Variants in NHSL2 observed in about 807,000 individuals in gnomAD.
The protein encoded by NHSL2 is NHS like 2.
Under a neutral mutation model 53.4 loss-of-function variants are expected in NHSL2, and 27 were observed. That is an observed-to-expected ratio of 0.51 (90% CI 0.37 to 0.70). NHSL2 has a LOEUF of 0.70. Among genes scored for constraint, NHSL2 ranks in the 30% least tolerant of loss-of-function variants. NHSL2 has a pLI of 0.00. For synonymous variants in NHSL2, 408 were observed against 404.1 expected (o/e 1.01, Z -0.12); for missense variants, 892 against 980.1 (o/e 0.91, Z 1.20).
At chrX:72,001,095 C>A (rs1364740822) in intron 1 of NHSL2, among the ~76,000 whole-genome samples, 1 of 112,261 alleles carries the variant, frequency 8.9e-6, no homozygotes, top group Non-Finnish European at 1.9e-5. Flanking sequence ...TAAGATGCCC[C>A]TTTCAGTCAT....
intron 1 of NHSL2, among the ~76,000 whole-genome samples, chrX:72,004,472 CCGGAG>C (rs2042084716): frequency 9.0e-6 from 1 of 111,588 alleles, no homozygotes; most frequent in South Asian, 3.8e-4. Flanking sequence ...CTGCTGGTTT[CCGGAG>C]CGGAGAGGGA....
At chrX:71,981,159 A>G (rs2041976606) in intron 1 of NHSL2, among the ~76,000 whole-genome samples, 1 of 112,345 alleles carries the variant, frequency 8.9e-6, no homozygotes, top group African/African-American at 3.2e-5. Flanking sequence ...ACAAAAGAAA[A>G]ACTAGGTAAA....
At chrX:72,088,182 G>T (rs1186142282) in intron 1 of NHSL2, among the ~76,000 whole-genome samples, 2 of 112,230 alleles carry the variant, frequency 1.8e-5, no homozygotes, top group Non-Finnish European at 3.8e-5. Flanking sequence ...GGTGAGCTGA[G>T]ATTGCGCCAT....
intron 1 of NHSL2, among the ~76,000 whole-genome samples, chrX:72,069,251 C>T (rs779482721): frequency 9.0e-6 from 1 of 111,201 alleles, no homozygotes; most frequent in Non-Finnish European, 1.9e-5. Context: ...TGAGGGCGGG[C>T]GAGTCGGGTC....
At chrX:72,042,289 T>G (rs1451011812) in intron 1 of NHSL2, among the ~76,000 whole-genome samples, 6 of 112,742 alleles carry the variant, frequency 5.3e-5, no homozygotes, top group African/African-American at 1.9e-4. Context: ...GTGAACTTGT[T>G]TTTGAAACAA....
chrX:72,046,416 A>C (rs2042306225), intron 1 of NHSL2, among the ~76,000 whole-genome samples: 1 of 112,459 alleles, frequency 8.9e-6, no homozygotes, highest in African/African-American at 3.2e-5. Flanking sequence ...TCTTTAAAAC[A>C]AAGAGAAAAA....
At chrX:72,103,330 A>G in intron 1 of NHSL2, among the ~76,000 whole-genome samples, 1 of 111,887 alleles carries the variant, frequency 8.9e-6, no homozygotes, top group Middle Eastern at 4.6e-3. Context: ...AGTCCAGAGA[A>G]GTGCCCACAG....
chrX:71,920,568 G>A (rs1030224507), intron 1 of NHSL2, among the ~76,000 whole-genome samples: 3 of 111,062 alleles, frequency 2.7e-5, no homozygotes, highest in Non-Finnish European at 5.7e-5. Flanking sequence ...CTATTTAAAA[G>A]TTCCCATGTG....
chrX:71,921,860 C>T (rs925109512), intron 1 of NHSL2, among the ~76,000 whole-genome samples: 1 of 111,602 alleles, frequency 9.0e-6, no homozygotes, highest in South Asian at 3.8e-4. Context: ...TGTGCTTTCC[C>T]GTGTTCTCTG....
chrX:72,129,886 C>T (rs747452913), intron 1 of NHSL2: 4 of 1,208,246 alleles, frequency 3.3e-6, no homozygotes, highest in South Asian at 3.5e-5. Flanking sequence ...CGGAGTGAGG[C>T]GGAAAAGCAC....
At chrX:72,042,037 C>T (rs183338566) in intron 1 of NHSL2, among the ~76,000 whole-genome samples, 1 of 112,413 alleles carries the variant, frequency 8.9e-6, no homozygotes, top group East Asian at 2.8e-4. Flanking sequence ...ACAGCTGCTA[C>T]AGATCCCAAG....
Position 72,140,134 on chromosome X carries a change from G to A in NHSL2, c.2586G>A (p.Leu862=), listed in dbSNP as rs778021560. The A allele has an allele frequency of 2.5e-6, 3 of 1,208,979 alleles. No individual in the cohort carries two copies. The highest frequency in any genetic ancestry group is 3.4e-6 in the Non-Finnish European group (3 of 894,725). The stretch of plus-strand genomic sequence containing the variant: ...CCAGAGCAGAAGAAGTCTTCACCTT[G>A]CCAGAGAGAAAGACAAAACCTCCCG... ...EEPRAEEVFT[L]PERKTKPPVA... Residue 862 remains leucine (L), a synonymous_variant, in exon 6 of 8, where the codon TTG becomes TTA. Transcript: ENST00000633930.
intron 1 of NHSL2, chrX:72,131,732 G>C (rs1352265258): frequency 2.1e-5 from 7 of 327,413 alleles, no homozygotes; most frequent in African/African-American, 2.0e-4. Flanking sequence ...AGGGCCCGGC[G>C]GCTCGGCCCA....
intron 5 of NHSL2, among the ~76,000 whole-genome samples, 166 bp from the exon 6 acceptor site, chrX:72,138,275 A>G (rs1437929987): frequency 8.9e-6 from 1 of 112,492 alleles, no homozygotes. Flanking sequence ...GTGATGGGCA[A>G]GGACCCAATT....
At chrX:72,087,731 G>A (rs1462773616) in intron 1 of NHSL2, among the ~76,000 whole-genome samples, 1 of 111,006 alleles carries the variant, frequency 9.0e-6, no homozygotes, top group African/African-American at 3.3e-5. Flanking sequence ...AATTAGCCAG[G>A]CGTGGTGGCA....
chrX:72,125,598 G>C (rs1034649099), intron 1 of NHSL2, among the ~76,000 whole-genome samples: 1 of 111,801 alleles, frequency 8.9e-6, no homozygotes, highest in Non-Finnish European at 1.9e-5. Context: ...CTTCAGGGTT[G>C]GGGCAAGGCT....
intron 1 of NHSL2, among the ~76,000 whole-genome samples, chrX:72,045,614 A>G (rs774113345): frequency 1.1e-4 from 12 of 111,410 alleles, no homozygotes; most frequent in Admixed American, 3.8e-4. Flanking sequence ...TGAGGAGGGA[A>G]CCCCCCAGTC....
intron 1 of NHSL2, among the ~76,000 whole-genome samples, chrX:72,026,527 C>G (rs1370562807): frequency 8.9e-6 from 1 of 112,253 alleles, no homozygotes; most frequent in African/African-American, 3.2e-5. Flanking sequence ...GGAGCTGGAG[C>G]CTGCAGCAAG....
In NHSL2 at chrX:71,934,636, G is replaced by A. The variant is rs558017805; in HGVS notation, c.280+23269G>A. 8.0e-5 allele frequency among the ~76,000 whole-genome samples: 9 copies of A among 111,994 alleles called. No individual in the cohort carries two copies. In the South Asian group the frequency reaches 3.0e-3, roughly 38 times the overall value. ...TGTGTAGAGAATGGACTGTGAGGCAGCAAGGGTGGAAGCAGGGAGGCCTGG... is the reference window on the plus strand; with the variant it reads ...TGTGTAGAGAATGGACTGTGAGGCAACAAGGGTGGAAGCAGGGAGGCCTGG... On this transcript the variant is annotated intron_variant, in intron 1 of 7. Transcript: ENST00000633930.
Sources: allele counts gnomAD v4.1 joint callset (sites outside exome capture counted in the v4.1 genomes callset), GRCh38; gene constraint gnomAD v4.1.1; transcripts MANE v1.5; gene names NCBI Gene and HGNC (gene_info 2026-07-23, HGNC 2026-07-21).